Variants in USH2A observed in about 807,000 individuals in gnomAD.
The protein encoded by USH2A is usherin.
USH2A carries 443 observed loss-of-function variants against 538.9 expected under a neutral mutation model. The ratio of observed to expected loss-of-function variants is 0.82; its 90% confidence interval spans 0.76 to 0.89. The LOEUF (loss-of-function observed/expected upper bound fraction) is 0.89. Ranked by LOEUF, USH2A falls within the 40% of genes least tolerant of loss-of-function variation. USH2A has a pLI of 0.00. For synonymous variants in USH2A, 2,413 were observed against 2,273.5 expected (o/e 1.06, Z -1.75); for missense variants, 6,633 against 6,324.8 (o/e 1.05, Z -1.65).
At chr1:215,696,776 A>G (rs1235516486) in intron 61 of USH2A, among the ~76,000 whole-genome samples, 1 of 152,166 alleles carries the variant, frequency 6.6e-6, no homozygotes, top group Non-Finnish European at 1.5e-5. Context: ...CCAAGGTGGG[A>G]GGATCACTTG....
At position 215,846,475 on chromosome 1, in the gene USH2A, G is replaced by C. The variant is rs553791477; in HGVS notation, c.8846-442C>G. On this transcript the variant is annotated intron_variant, in intron 44 of 71. Transcript: ENST00000307340. Reference sequence around the variant, plus strand: ...GTGATTCACCCACCTCAGCCTCCCAGACTGTTGGGATTAGAGGTATGAACA... The same window carrying C: ...GTGATTCACCCACCTCAGCCTCCCACACTGTTGGGATTAGAGGTATGAACA... Among the ~76,000 whole-genome samples the C allele has an allele frequency of 2.3e-3, 355 of 152,230 alleles. 1 individual carries two copies. The highest frequency in any genetic ancestry group is 3.8e-3 in the Non-Finnish European group (256 of 67,996).
chr1:215,783,135 G>A (rs1241181110), intron 52 of USH2A, among the ~76,000 whole-genome samples, 200 bp from the exon 53 acceptor site: 2 of 151,900 alleles, frequency 1.3e-5, no homozygotes, highest in Non-Finnish European at 2.9e-5. Flanking sequence ...GCAGGGATAC[G>A]GAATTGCACA....
intron 61 of USH2A, among the ~76,000 whole-genome samples, chr1:215,712,762 A>C (rs1275247238): frequency 6.6e-6 from 1 of 152,120 alleles, no homozygotes; most frequent in Non-Finnish European, 1.5e-5. Flanking sequence ...GAAACAAGAA[A>C]ATATAATAAA....
chr1:216,012,811 C>G (rs1374157605), intron 32 of USH2A, among the ~76,000 whole-genome samples: 1 of 152,186 alleles, frequency 6.6e-6, no homozygotes, highest in Non-Finnish European at 1.5e-5. Context: ...CATTTGAGCT[C>G]CTGTATAGAC....
At chr1:216,243,817 A>G (rs1295600960) in intron 13 of USH2A, among the ~76,000 whole-genome samples, 5 of 152,262 alleles carry the variant, frequency 3.3e-5, no homozygotes, top group Non-Finnish European at 5.9e-5. Context: ...TATTTTCACC[A>G]TGTTTAATGC....
intron 11 of USH2A, among the ~76,000 whole-genome samples, chr1:216,276,576 C>T (rs78899096): frequency 0.051 from 7,691 of 152,128 alleles, 299 homozygotes; most frequent in Middle Eastern, 0.16. Flanking sequence ...CTCAATAAGC[C>T]AGTGTACTCG....
intron 61 of USH2A, among the ~76,000 whole-genome samples, chr1:215,688,865 CA>C (rs747483809): frequency 4.1e-4 from 62 of 152,166 alleles, no homozygotes; most frequent in Admixed American, 7.2e-4. Context: ...CAATCCATTT[CA>C]TAACATGGGT....
At position 215,643,723 on chromosome 1, in the gene USH2A, T is replaced by A. The variant is rs374008900; in HGVS notation, c.14792-2989A>T. ...AAAAAAATTTTTGTAGAGATAGGTGTCTTGATATGTTGCCCAGGCTGGTCG... is the reference window on the plus strand; with the variant it reads ...AAAAAAATTTTTGTAGAGATAGGTGACTTGATATGTTGCCCAGGCTGGTCG... On this transcript the variant is annotated intron_variant, in intron 67 of 71. Transcript: ENST00000307340. Among the ~76,000 whole-genome samples the A allele has an allele frequency of 4.6e-5, 7 of 152,202 alleles. No homozygotes were observed. In the South Asian group the frequency reaches 1.5e-3, roughly 32 times the overall value.
At chr1:216,011,346 C>T (rs1668563857) in intron 32 of USH2A, among the ~76,000 whole-genome samples, 1 of 152,122 alleles carries the variant, frequency 6.6e-6, no homozygotes, top group Admixed American at 6.5e-5. Flanking sequence ...CAGCAAATTA[C>T]CTGGGCTGTA....
chr1:216,032,168 T>C (rs536581515), intron 32 of USH2A, among the ~76,000 whole-genome samples: 11 of 152,316 alleles, frequency 7.2e-5, no homozygotes, highest in Admixed American at 7.2e-4. Flanking sequence ...CTGAGTTAAA[T>C]TGAACATGAA....
intron 61 of USH2A, among the ~76,000 whole-genome samples, chr1:215,727,264 T>TATATAC (rs1209496301): frequency 3.3e-5 from 5 of 152,078 alleles, no homozygotes; most frequent in Admixed American, 1.3e-4. Flanking sequence ...TACACATACA[T>TATATAC]ATATACATAT....
At chr1:215,773,670 T>C (rs1661369407) in intron 55 of USH2A, among the ~76,000 whole-genome samples, 1 of 152,134 alleles carries the variant, frequency 6.6e-6, no homozygotes, top group African/African-American at 2.4e-5. Context: ...CCAGAGTATA[T>C]ACCCAGACAA....
intron 44 of USH2A, among the ~76,000 whole-genome samples, chr1:215,861,782 C>T (rs1442549361): frequency 6.6e-6 from 1 of 150,640 alleles, no homozygotes. Context: ...AGGGGCAAGG[C>T]TATCACTAAA....
At chr1:216,358,446 A>C (rs1462483728) in intron 4 of USH2A, among the ~76,000 whole-genome samples, 1 of 152,134 alleles carries the variant, frequency 6.6e-6, no homozygotes, top group Non-Finnish European at 1.5e-5. Flanking sequence ...ATATGGACAA[A>C]AGTATGGAGG....
At chr1:215,798,257 T>G (rs1474714253) in intron 50 of USH2A, among the ~76,000 whole-genome samples, 1 of 152,168 alleles carries the variant, frequency 6.6e-6, no homozygotes, top group African/African-American at 2.4e-5. Flanking sequence ...ACTGTGAACA[T>G]TAACTTCATA....
chr1:215,637,005 T>C (rs1656514384), intron 69 of USH2A, among the ~76,000 whole-genome samples: 1 of 151,924 alleles, frequency 6.6e-6, no homozygotes, highest in South Asian at 2.1e-4. Flanking sequence ...TCCCTTCCCT[T>C]CTGTCTTTTT....
intron 4 of USH2A, among the ~76,000 whole-genome samples, chr1:216,336,127 C>T (rs2037970076): frequency 6.6e-6 from 1 of 151,264 alleles, no homozygotes; most frequent in African/African-American, 2.4e-5. Context: ...GAAAAGTAAT[C>T]AAGTAATACA....
Position 216,072,933 on chromosome 1 carries a change from C to A in USH2A, c.5813G>T (p.Gly1938Val), listed in dbSNP as rs2031607385. 2.5e-6 allele frequency: 4 copies of A among 1,613,902 alleles called. No individual in the cohort carries two copies. In the South Asian group the frequency reaches 3.3e-5, roughly 13 times the overall value. The change falls in exon 29 of 72, where the codon GGT becomes GTT. Residue 1938 changes from glycine to valine, a missense_variant. Coordinates refer to ENST00000307340, the MANE Select transcript of USH2A (RefSeq NM_206933.4). ...TCGACTCCAATCACTATATACTGAA[C>A]CTCCTTCATGCGAGGCTATCACTCG... is the stretch of plus-strand genomic sequence containing the variant. ...LYRVIASHEG[G>V]SVYSDWSRGR...
At chr1:215,832,805 T>TAGA in intron 47 of USH2A, among the ~76,000 whole-genome samples, 1 of 152,034 alleles carries the variant, frequency 6.6e-6, no homozygotes, top group South Asian at 2.1e-4. Flanking sequence ...TTTCTCTTTG[T>TAGA]AGAAGATCTA....
Sources: allele counts gnomAD v4.1 joint callset (sites outside exome capture counted in the v4.1 genomes callset), GRCh38; gene constraint gnomAD v4.1.1; transcripts MANE v1.5; gene names NCBI Gene and HGNC (gene_info 2026-07-23, HGNC 2026-07-21).